Variants in TMTC1 observed in about 807,000 individuals in gnomAD.
TMTC1 encodes protein O-mannosyl-transferase TMTC1.
A neutral mutation model predicts 104.8 loss-of-function variants in TMTC1; 73 were observed. The observed-to-expected ratio is 0.70, with a 90% CI of 0.58 to 0.85. The LOEUF (loss-of-function observed/expected upper bound fraction) is 0.85. Ranked by LOEUF, TMTC1 falls within the 40% of genes least tolerant of loss-of-function variation. The pLI is 0.00. For missense variants in TMTC1, 1,035 were observed against 1,096.1 expected (o/e 0.94, Z 0.79); for synonymous variants, 434 against 428.7 (o/e 1.01, Z -0.15).
At chr12:29,761,581 C>CA (rs1255548828) in intron 2 of TMTC1, among the ~76,000 whole-genome samples, 1 of 12,300 alleles carries the variant, frequency 8.1e-5, no homozygotes, top group African/African-American at 1.9e-4. Flanking sequence ...ATGCATTTCT[C>CA]GTTTTTTTTT....
chr12:29,533,317 C>T (rs900289726), intron 11 of TMTC1: 7 of 152,198 alleles, frequency 4.6e-5, no homozygotes, highest in South Asian at 2.1e-4. Context: ...TATTAGTTTC[C>T]GACAAATCCT....
intron 6 of TMTC1, chr12:29,613,819 G>A (rs541794562): frequency 3.9e-5 from 14 of 355,754 alleles, no homozygotes; most frequent in Middle Eastern, 1.4e-3. Flanking sequence ...GACATCCCTC[G>A]GGCAAAGTCT....
chr12:29,776,967 G>A (rs1194166276), intron 1 of TMTC1, among the ~76,000 whole-genome samples: 2 of 152,198 alleles, frequency 1.3e-5, no homozygotes, highest in African/African-American at 4.8e-5. Flanking sequence ...GAGATTGGTA[G>A]ACTAGGGATC....
At chr12:29,548,787 T>G (rs1372677715) in intron 10 of TMTC1, among the ~76,000 whole-genome samples, 1 of 132,650 alleles carries the variant, frequency 7.5e-6, no homozygotes, top group South Asian at 2.3e-4. Flanking sequence ...TATTTATATA[T>G]TACATATAAA....
chr12:29,672,977 C>T (rs1442531082), intron 5 of TMTC1, among the ~76,000 whole-genome samples: 1 of 152,182 alleles, frequency 6.6e-6, no homozygotes, highest in East Asian at 1.9e-4. Context: ...AATGCCCTTT[C>T]AATTTAAGAT....
intron 5 of TMTC1, among the ~76,000 whole-genome samples, chr12:29,750,220 T>A (rs2136968009): frequency 6.6e-6 from 1 of 152,110 alleles, no homozygotes; most frequent in East Asian, 1.9e-4. Context: ...TTTGCTATGA[T>A]CCTCAAGCCT....
intron 5 of TMTC1, among the ~76,000 whole-genome samples, chr12:29,697,737 A>G (rs12319770): frequency 0.056 from 8,537 of 152,168 alleles, 332 homozygotes; most frequent in African/African-American, 0.11. Context: ...AAGTCCAAAG[A>G]CAGCCTGGAG....
intron 5 of TMTC1, among the ~76,000 whole-genome samples, chr12:29,661,822 C>T (rs992222029): frequency 1.3e-5 from 2 of 152,094 alleles, no homozygotes; most frequent in African/African-American, 4.8e-5. Flanking sequence ...AATTTTCTCA[C>T]CTCCCTGTGG....
At chr12:29,669,083 A>C (rs1436711064) in intron 5 of TMTC1, among the ~76,000 whole-genome samples, 1 of 149,034 alleles carries the variant, frequency 6.7e-6, no homozygotes, top group African/African-American at 2.5e-5. Context: ...CAACCAGCAG[A>C]AACAGGGAGT....
chr12:29,629,318 T>C (rs2136491972), intron 6 of TMTC1, among the ~76,000 whole-genome samples: 1 of 150,120 alleles, frequency 6.7e-6, no homozygotes, highest in East Asian at 2.0e-4. Context: ...AGACTCCGTC[T>C]CAAAAAAAGA....
intron 5 of TMTC1, among the ~76,000 whole-genome samples, chr12:29,716,012 T>C (rs893757429): frequency 4.1e-5 from 6 of 147,934 alleles, no homozygotes; most frequent in East Asian, 2.0e-4. Context: ...TTATTATTAT[T>C]ATTATTATTA....
chr12:29,647,031 G>C (rs1939296802), intron 5 of TMTC1, among the ~76,000 whole-genome samples: 1 of 152,116 alleles, frequency 6.6e-6, no homozygotes, highest in South Asian at 2.1e-4. Context: ...GAAAAAACAT[G>C]TTTCTTTTTG....
At chr12:29,509,346 T>A (rs1943771063) in intron 17 of TMTC1, among the ~76,000 whole-genome samples, 2 of 152,238 alleles carry the variant, frequency 1.3e-5, no homozygotes, top group African/African-American at 4.8e-5. Context: ...TAACCAAGTG[T>A]CATGAGCAAG....
intron 2 of TMTC1, among the ~76,000 whole-genome samples, chr12:29,764,601 G>A (rs1328447991): frequency 6.6e-6 from 1 of 152,072 alleles, no homozygotes; most frequent in Non-Finnish European, 1.5e-5. Flanking sequence ...AACTTGAATT[G>A]AAATCCATGA....
At chr12:29,639,169 C>T (rs886909586) in intron 5 of TMTC1, among the ~76,000 whole-genome samples, 45 of 152,290 alleles carry the variant, frequency 3.0e-4, no homozygotes, top group Non-Finnish European at 5.4e-4. Context: ...ACAGCATTTT[C>T]GCTGCATTGC....
intron 10 of TMTC1, among the ~76,000 whole-genome samples, chr12:29,545,086 C>T (rs1328209066): frequency 6.6e-6 from 1 of 152,058 alleles, no homozygotes; most frequent in Admixed American, 6.5e-5. Flanking sequence ...TCCACTTGCT[C>T]CTTTCTCCTC....
chr12:29,588,243 T>C (rs1479402771), intron 7 of TMTC1, among the ~76,000 whole-genome samples: 1 of 151,976 alleles, frequency 6.6e-6, no homozygotes, highest in Non-Finnish European at 1.5e-5. Flanking sequence ...CAGAACAGAG[T>C]CTCTAATGTA....
At chr12:29,687,216 A>T (rs1233359262) in intron 5 of TMTC1, among the ~76,000 whole-genome samples, 1 of 152,246 alleles carries the variant, frequency 6.6e-6, no homozygotes, top group African/African-American at 2.4e-5. Context: ...ACAGTAGAGA[A>T]AACTGATACA....
rs869135481 is a variant in TMTC1 at position 29,725,014 on chromosome 12, C to CTTTTTTTTTTTTTTTTTTTTTTTTTT, written c.938+26651_938+26652insAAAAAAAAAAAAAAAAAAAAAAAAAA. On this transcript the variant is annotated intron_variant, in intron 5 of 17. Coordinates refer to ENST00000539277, the MANE Select transcript of TMTC1 (RefSeq NM_001193451.2). ...AGTTTAGCTATATATCTGCCAAGTTCTTTTTTTTTTTTTTTTTTTTTTTTG... is the reference window on the plus strand; with the variant it reads ...AGTTTAGCTATATATCTGCCAAGTTCTTTTTTTTTTTTTTTTTTTTTTTTTTTTTTTTTTTTTTTTTTTTTTTTTTG... 4.4e-5 allele frequency among the ~76,000 whole-genome samples: 4 copies of CTTTTTTTTTTTTTTTTTTTTTTTTTT among 90,402 alleles called. 1 individual carries two copies. Among genetic ancestry groups the CTTTTTTTTTTTTTTTTTTTTTTTTTT allele is most frequent in the African/African-American group, 9.6e-5 (2 of 20,848 alleles). 59.3% of individuals were successfully genotyped at this position (90,402 alleles called of 152,430 possible).
Sources: allele counts gnomAD v4.1 joint callset (sites outside exome capture counted in the v4.1 genomes callset), GRCh38; gene constraint gnomAD v4.1.1; transcripts MANE v1.5; gene names NCBI Gene and HGNC (gene_info 2026-07-23, HGNC 2026-07-21).